The following AIM2 variants were observed in gnomAD, a reference collection of about 807,000 sequenced individuals.
AIM2 encodes interferon-inducible protein AIM2.
A neutral mutation model predicts 27.7 loss-of-function variants in AIM2; 30 were observed. The observed-to-expected ratio is 1.08, with a 90% CI of 0.81 to 1.47. The LOEUF is 1.47. Ranked by LOEUF, AIM2 falls within the 40% of genes most tolerant of loss-of-function variation. AIM2 has a pLI of 0.00. For synonymous variants in AIM2, 141 were observed against 145.3 expected (o/e 0.97, Z 0.21); for missense variants, 358 against 411.3 (o/e 0.87, Z 1.12).
chr1:159,069,841 C>T (rs887349228), intron 2 of AIM2, among the ~76,000 whole-genome samples: 13 of 152,324 alleles, frequency 8.5e-5, no homozygotes, highest in Admixed American at 1.3e-4. Flanking sequence ...CCGCGCCTGG[C>T]CACAGATTTC....
At chr1:159,104,378 T>C (rs1657382757) in intron 1 of AIM2, among the ~76,000 whole-genome samples, 1 of 152,234 alleles carries the variant, frequency 6.6e-6, no homozygotes, top group Non-Finnish European at 1.5e-5. Flanking sequence ...CTGAATTTTA[T>C]ATTGTATTTA....
chr1:159,066,516 AG>A (rs1328484906), intron 3 of AIM2, among the ~76,000 whole-genome samples, 187 bp from the exon 4 acceptor site: 1 of 152,234 alleles, frequency 6.6e-6, no homozygotes, highest in Admixed American at 6.5e-5. Flanking sequence ...AGAGTGCAGA[AG>A]GAAGATTTCG....
Position 159,072,154 on chromosome 1 carries a change from G to C in AIM2, c.262+1084C>G, listed in dbSNP as rs530080577. Among the ~76,000 whole-genome samples the C allele has an allele frequency of 2.6e-5, 4 of 152,328 alleles. No individual in the cohort carries two copies. In the South Asian group the frequency reaches 8.3e-4, roughly 32 times the overall value. On this transcript the variant is annotated intron_variant, in intron 2 of 5. Coordinates refer to ENST00000368130, the MANE Select transcript of AIM2 (RefSeq NM_004833.3). ...CAATGTTTTGGTTGGTTACTTGGAA[G>C]TAACATGTGTAGTTACTGCCATCTA...
At chr1:159,060,652 T>C (rs1388520725), downstream of AIM2, among the ~76,000 whole-genome samples, 4 of 152,332 alleles carry the variant, frequency 2.6e-5, no homozygotes, top group East Asian at 7.7e-4. Context: ...AATTAAAATG[T>C]ATGTAGAATT....
intron 4 of AIM2, 48 bp from the exon 5 acceptor site, chr1:159,063,722 T>G (rs1313211578): frequency 1.3e-6 from 2 of 1,562,576 alleles, no homozygotes; most frequent in Non-Finnish European, 1.7e-6. Flanking sequence ...GATTAATGAA[T>G]GCCGCATCAG....
chr1:159,064,452 G>A (rs973934691), intron 4 of AIM2, among the ~76,000 whole-genome samples: 14 of 152,162 alleles, frequency 9.2e-5, no homozygotes, highest in African/African-American at 3.4e-4. Flanking sequence ...TGGGTTGGAA[G>A]AGAGCTATTT....
intron 1 of AIM2, among the ~76,000 whole-genome samples, chr1:159,117,293 A>G (rs1308941631): frequency 6.6e-6 from 1 of 152,224 alleles, no homozygotes; most frequent in East Asian, 1.9e-4. Context: ...AATGTAGCTT[A>G]AAAAAGATCA....
chr1:159,087,069 A>T (rs980829910), intron 1 of AIM2, among the ~76,000 whole-genome samples: 1 of 152,240 alleles, frequency 6.6e-6, no homozygotes, highest in African/African-American at 2.4e-5. Flanking sequence ...ATTTAAATAC[A>T]TAATGAAAAA....
intron 1 of AIM2, among the ~76,000 whole-genome samples, chr1:159,101,496 C>T (rs559201710): frequency 6.6e-6 from 1 of 152,222 alleles, no homozygotes; most frequent in East Asian, 1.9e-4. Flanking sequence ...TAAAGATACC[C>T]GAAAATGTAG....
Position 159,106,654 on chromosome 1 carries a change from A to G in AIM2, c.-16+33777T>C, listed in dbSNP as rs548296703. On this transcript the variant is annotated intron_variant, in intron 1 of 2. Transcript: ENST00000368129. The stretch of plus-strand genomic sequence containing the variant: ...CCCCTCATGGGTTGTGGATTAGAAC[A>G]TTCTCTGTCTCCTGAATACTTTCCT... 2.6e-5 allele frequency among the ~76,000 whole-genome samples: 4 copies of G among 152,348 alleles called. No homozygotes were observed. In the East Asian group the frequency reaches 7.7e-4, roughly 29 times the overall value.
chr1:159,099,681 C>G (rs1337864902), intron 1 of AIM2, among the ~76,000 whole-genome samples: 1 of 152,086 alleles, frequency 6.6e-6, no homozygotes, highest in East Asian at 1.9e-4. Context: ...GGAATTGATT[C>G]TCCTTGATAG....
At chr1:159,133,845 T>C (rs1434324392) in intron 1 of AIM2, among the ~76,000 whole-genome samples, 1 of 152,190 alleles carries the variant, frequency 6.6e-6, no homozygotes, top group Non-Finnish European at 1.5e-5. Context: ...CCCTGTACTT[T>C]TTCCTATGTG....
chr1:159,088,316 C>T (rs1010697000), intron 1 of AIM2, among the ~76,000 whole-genome samples: 1 of 152,094 alleles, frequency 6.6e-6, no homozygotes, highest in Admixed American at 6.5e-5. Context: ...AAAGAACATG[C>T]CTTAGAACCA....
chr1:159,062,607 C>A lies in AIM2; in HGVS notation c.*85G>T. The A allele has an allele frequency of 1.5e-6, 2 of 1,337,760 alleles. No homozygotes were observed. The highest frequency in any genetic ancestry group is 2.1e-6 in the Non-Finnish European group (2 of 939,418). The allele number at this position is 1,337,760 out of a possible 1,614,324, so 82.9% of individuals were successfully genotyped here. A position where few individuals can be genotyped will look rare whatever the true frequency, so the allele number is the denominator to read the frequency against. ...TGAACTGCAGCTTTCAGGTAACTTACAATCTGATTGAAGAGGCTGTATCAC... is the reference window on the plus strand; with the variant it reads ...TGAACTGCAGCTTTCAGGTAACTTAAAATCTGATTGAAGAGGCTGTATCAC... On this transcript the variant is annotated 3_prime_UTR_variant, in exon 6 of 6. Coordinates refer to ENST00000368130, the MANE Select transcript of AIM2 (RefSeq NM_004833.3).
intron 1 of AIM2, among the ~76,000 whole-genome samples, chr1:159,138,874 C>G (rs1311582517): frequency 6.6e-6 from 1 of 152,240 alleles, no homozygotes; most frequent in Non-Finnish European, 1.5e-5. Flanking sequence ...TCCAGCATCT[C>G]TGAAGTATTT....
chr1:159,138,457 T>A (rs1648052315), intron 1 of AIM2, among the ~76,000 whole-genome samples: 1 of 152,200 alleles, frequency 6.6e-6, no homozygotes, highest in Admixed American at 6.5e-5. Context: ...TCCCCAAGCA[T>A]CCTTTAAATT....
In AIM2 at chr1:159,073,356, T is replaced by C; in HGVS notation, c.144A>G (p.Val48=). ...CAGCATTTTGAATCATCAAGGTAGC[T>C]ACTTGTATTCTGTTTGCAGTATGTA... ...GKLHTANRIQ[V]ATLMIQNAGA... Residue 48 remains valine, a synonymous_variant, in exon 2 of 6, where the codon GTA becomes GTG. Transcript: ENST00000368130. 1.9e-6 allele frequency: 3 copies of C among 1,614,238 alleles called. No homozygotes were observed. The highest frequency in any genetic ancestry group is 2.5e-6 in the Non-Finnish European group (3 of 1,180,042).
chr1:159,119,220 G>T (rs1243244050), intron 1 of AIM2, among the ~76,000 whole-genome samples: 1 of 149,066 alleles, frequency 6.7e-6, no homozygotes, highest in Non-Finnish European at 1.5e-5. Context: ...TTTTAGCTTT[G>T]AGCCACCGAG....
At chr1:159,065,622 C>G (rs1656052069) in intron 4 of AIM2, among the ~76,000 whole-genome samples, 1 of 152,080 alleles carries the variant, frequency 6.6e-6, no homozygotes, top group Non-Finnish European at 1.5e-5. Context: ...ATAATATGTA[C>G]AAAGTACAAA....
Sources: gnomAD v4.1 joint callset for allele counts (sites outside exome capture counted in the v4.1 genomes callset) on GRCh38, gnomAD v4.1.1 for gene constraint, MANE v1.5 for transcripts, NCBI Gene and HGNC (gene_info 2026-07-23, HGNC 2026-07-21) for gene names.